Variants in GAN observed in about 807,000 individuals in gnomAD.
The protein encoded by GAN is gigaxonin.
GAN carries 48 observed loss-of-function variants against 71.3 expected under a neutral mutation model. The observed-to-expected ratio is 0.67, with a 90% confidence interval of 0.53 to 0.86. GAN has a LOEUF of 0.86. Among genes scored for constraint, GAN ranks in the 40% least tolerant of loss-of-function variants. The pLI is 0.00. For missense variants in GAN, 928 were observed against 770.1 expected (o/e 1.21, Z -2.43); for synonymous variants, 386 against 276.8 (o/e 1.39, Z -3.92).
At chr16:81,377,378 G>C in intron 10 of GAN, 37 bp from the exon 11 acceptor site, 1 of 1,602,536 alleles carries the variant, frequency 6.2e-7, no homozygotes, top group East Asian at 2.2e-5. Context: ...GTGATTCTGG[G>C]TACATTTTCT....
intron 1 of GAN, among the ~76,000 whole-genome samples, chr16:81,333,517 T>G (rs1909657311): frequency 6.6e-6 from 1 of 152,144 alleles, no homozygotes; most frequent in African/African-American, 2.4e-5. Flanking sequence ...ATGCATAGCC[T>G]GGGGGGAAAA....
chr16:81,350,650 G>A (rs1910269918), intron 1 of GAN, among the ~76,000 whole-genome samples: 2 of 151,942 alleles, frequency 1.3e-5, no homozygotes, highest in African/African-American at 4.8e-5. Context: ...TGAGCTGCTG[G>A]GATTGCAGGC....
chr16:81,361,016 G>C (rs905430405), intron 5 of GAN, among the ~76,000 whole-genome samples: 3 of 152,094 alleles, frequency 2.0e-5, no homozygotes, highest in African/African-American at 7.2e-5. Flanking sequence ...TTGAGGTCAG[G>C]AGTTTGAAAT....
At chr16:81,356,745 T>C (rs1203573155) in intron 3 of GAN, 40 bp from the exon 4 acceptor site, 1 of 1,323,768 alleles carries the variant, frequency 7.6e-7, no homozygotes, top group Admixed American at 1.7e-5. Context: ...GTGTTGCATT[T>C]TCCATTGTTT....
Position 81,387,264 on chromosome 16 carries a change from T to TG in GAN, c.*9669dup, listed in dbSNP as rs1355438286. The TG allele has an allele frequency of 2.0e-5, 3 of 152,134 alleles. No individual in the cohort carries two copies. Among genetic ancestry groups the TG allele is most frequent in the Admixed American group, 6.5e-5 (1 of 15,274 alleles). 9.4% of individuals were successfully genotyped at this position (152,134 alleles called of 1,614,324 possible). The stretch of plus-strand genomic sequence containing the variant: ...ATGAAATTTCAGAAAAAAGTTTTGT[T>TG]GCGGGGGGTGGGATATTGATCATTT... On this transcript the variant is annotated 3_prime_UTR_variant, in exon 11 of 11. Coordinates refer to ENST00000648994, the MANE Select transcript of GAN (RefSeq NM_022041.4).
intron 1 of GAN, 42 bp from the exon 2 acceptor site, chr16:81,351,541 C>G (rs766328006): frequency 2.4e-6 from 2 of 829,838 alleles, no homozygotes; most frequent in South Asian, 2.7e-5. Flanking sequence ...ATAGCTATTT[C>G]TGTTCTTTCA....
chr16:81,377,106 T>G, intron 9 of GAN, 113 bp from the exon 10 acceptor site: 1 of 790,266 alleles, frequency 1.3e-6, no homozygotes, highest in South Asian at 1.4e-5. Flanking sequence ...GGGTCGAGAT[T>G]GGCACAGTGC....
At chr16:81,353,816 G>C in intron 2 of GAN, among the ~76,000 whole-genome samples, 1 of 152,046 alleles carries the variant, frequency 6.6e-6, no homozygotes, top group East Asian at 1.9e-4. Context: ...CTTGTATTAG[G>C]GATTTATTCC....
intron 1 of GAN, among the ~76,000 whole-genome samples, chr16:81,336,943 T>C (rs751294064): frequency 1.1e-4 from 17 of 152,074 alleles, no homozygotes; most frequent in Non-Finnish European, 2.5e-4. Context: ...TGGCACATCA[T>C]TGTCACTCAA....
At chr16:81,322,033 G>A (rs1184611966) in intron 1 of GAN, among the ~76,000 whole-genome samples, 1 of 152,194 alleles carries the variant, frequency 6.6e-6, no homozygotes, top group African/African-American at 2.4e-5. Flanking sequence ...GTGCTTGGAA[G>A]AGCAGAGTTA....
chr16:81,336,343 A>C (rs554658228), intron 1 of GAN, among the ~76,000 whole-genome samples: 2 of 152,338 alleles, frequency 1.3e-5, no homozygotes, highest in East Asian at 3.9e-4. Context: ...TTCCACCCAC[A>C]AAAGTGGGCT....
At chr16:81,368,201 G>C (rs1490874045) in intron 9 of GAN, among the ~76,000 whole-genome samples, 2 of 152,186 alleles carry the variant, frequency 1.3e-5, no homozygotes, top group Non-Finnish European at 2.9e-5. Flanking sequence ...TACCAAGCCA[G>C]AGCAACAGCT....
Position 81,354,690 on chromosome 16 carries a change from G to C in GAN, c.568G>C (p.Gly190Arg). The change falls in exon 3 of 11, where the codon GGC (glycine) becomes CGC (arginine). Residue 190 changes from glycine to arginine, a missense_variant. Physicochemically the swap from Gly to Arg is moderately radical, Grantham distance 125 (BLOSUM62 -2). Transcript: ENST00000648994. ...GATTTCTCTTGAGAAGTTAAACGTTGGCAATGAAAGATATGTCTTTGAAGC... is the reference window on the plus strand; with the variant it reads ...GATTTCTCTTGAGAAGTTAAACGTTCGCAATGAAAGATATGTCTTTGAAGC... ...EVISLEKLNV[G>R]NERYVFEAVI... 6.2e-7 allele frequency: 1 copy of C among 1,613,444 alleles called. No homozygotes were observed. Among genetic ancestry groups the C allele is most frequent in the Non-Finnish European group, 8.5e-7 (1 of 1,179,392 alleles).
In GAN at chr16:81,356,767, T is replaced by G; in HGVS notation, c.634-18T>G. On this transcript the variant is annotated intron_variant, in intron 3 of 10. Transcript: ENST00000648994. ...ATTTTCCATTGTTTTCGCCCCATCT[T>G]TCTTCCCTCTTCTGCAGGTCCACAT... 6.4e-7 allele frequency: 1 copy of G among 1,552,196 alleles called. No individual in the cohort carries two copies. Among genetic ancestry groups the G allele is most frequent in the Non-Finnish European group, 8.9e-7 (1 of 1,123,430 alleles).
intron 3 of GAN, among the ~76,000 whole-genome samples, chr16:81,355,064 C>T (rs1032061456): frequency 1.3e-5 from 2 of 152,182 alleles, no homozygotes; most frequent in Non-Finnish European, 2.9e-5. Flanking sequence ...GCAGTATCCC[C>T]ACCCTTGCTC....
chr16:81,352,315 T>C (rs1910326345), intron 2 of GAN, among the ~76,000 whole-genome samples: 1 of 152,210 alleles, frequency 6.6e-6, no homozygotes, highest in South Asian at 2.1e-4. Flanking sequence ...GGGAGGAGAA[T>C]GATAAACGAT....
intron 1 of GAN, among the ~76,000 whole-genome samples, chr16:81,319,885 C>A (rs1420717248): frequency 6.6e-6 from 1 of 152,154 alleles, no homozygotes; most frequent in Non-Finnish European, 1.5e-5. Context: ...AGTTATGTAG[C>A]TCTATGCTAT....
At position 81,377,826 on chromosome 16, in the gene GAN, G is replaced by A. The variant is rs537290618; in HGVS notation, c.*230G>A. 35 of 579,122 alleles carry A rather than the reference G, an allele frequency of 6.0e-5. 1 individual carries two copies. The South Asian group carries it at 6.5e-4, about 11-fold the overall frequency. The allele number at this position is 579,122 out of a possible 1,614,324, so 35.9% of individuals were successfully genotyped here. On this transcript the variant is annotated 3_prime_UTR_variant, in exon 11 of 11. Transcript: ENST00000648994. ...TGAGTTCCTCCAGTTAAATGTGGCT[G>A]TAGATGTTGGAGGCTAGGGAGGCTA...
intron 1 of GAN, among the ~76,000 whole-genome samples, chr16:81,315,688 C>T (rs939860789): frequency 6.6e-6 from 1 of 152,184 alleles, no homozygotes; most frequent in Non-Finnish European, 1.5e-5. Flanking sequence ...GAGTCACCCC[C>T]TCGCCCAGGC....
Sources: allele counts gnomAD v4.1 joint callset (sites outside exome capture counted in the v4.1 genomes callset), GRCh38; gene constraint gnomAD v4.1.1; transcripts MANE v1.5; gene names NCBI Gene and HGNC (gene_info 2026-07-23, HGNC 2026-07-21).